Variants in TYR observed in about 807,000 individuals in gnomAD.
TYR encodes the protein tyrosinase.
A neutral mutation model predicts 51.5 loss-of-function variants in TYR; 58 were observed. The ratio of observed to expected loss-of-function variants is 1.13; its 90% CI spans 0.91 to 1.40. The LOEUF (loss-of-function observed/expected upper bound fraction) is 1.40, where lower values mean the gene tolerates loss of function less well. TYR is among the 40% of genes most tolerant of loss of function. The probability of loss-of-function intolerance (pLI) is 0.00; values close to 1 mark genes in which losing one functional copy is unlikely to be tolerated. For synonymous variants in TYR, 263 were observed against 235.2 expected, an observed-to-expected ratio of 1.12 and a Z score of -1.08; for missense variants, 732 against 647.4, an observed-to-expected ratio of 1.13 and a Z score of -1.42.
intron 3 of TYR, among the ~76,000 whole-genome samples, chr11:89,259,661 C>G (rs999659634): frequency 1.3e-5 from 2 of 152,086 alleles, no homozygotes; most frequent in African/African-American, 4.8e-5. Flanking sequence ...CCTGGATCCC[C>G]TTTCAGAGGC....
At chr11:89,261,294 A>AT (rs1255948790) in intron 3 of TYR, among the ~76,000 whole-genome samples, 1 of 152,100 alleles carries the variant, frequency 6.6e-6, no homozygotes, top group Non-Finnish European at 1.5e-5. Context: ...GGCTAACTGG[A>AT]TTTTTTAAAA....
chr11:89,192,603 T>C (rs1402824280), intron 2 of TYR, among the ~76,000 whole-genome samples: 2 of 152,148 alleles, frequency 1.3e-5, no homozygotes, highest in Non-Finnish European at 2.9e-5. Context: ...TTCAAAACCA[T>C]AATCTCAGGG....
Position 89,253,292 on chromosome 11 carries a change from A to G in TYR, c.1184+25322A>G, listed in dbSNP as rs116679220. On this transcript the variant is annotated intron_variant, in intron 3 of 4. Transcript: ENST00000263321. Reference sequence around the variant, plus strand: ...AACTGCTTGAAGAGTTGTTTTTCAAATATCTGTTTTTATTGAGGTATTTAT... The same window carrying G: ...AACTGCTTGAAGAGTTGTTTTTCAAGTATCTGTTTTTATTGAGGTATTTAT... Among the ~76,000 whole-genome samples the G allele has an allele frequency of 6.0e-3, 908 of 151,840 alleles. 4 individuals carry two copies. The highest frequency in any genetic ancestry group is 0.021 in the African/African-American group (876 of 41,518).
At chr11:89,198,417 G>C (rs753764575) in intron 2 of TYR, among the ~76,000 whole-genome samples, 1 of 152,012 alleles carries the variant, frequency 6.6e-6, no homozygotes, top group Non-Finnish European at 1.5e-5. Context: ...CCCTGACTCC[G>C]AGAGAGGCAG....
intron 2 of TYR, among the ~76,000 whole-genome samples, chr11:89,218,511 C>A (rs541770179): frequency 1.4e-4 from 22 of 152,120 alleles, no homozygotes; most frequent in Non-Finnish European, 2.8e-4. Flanking sequence ...TATGGATGAT[C>A]TGATATCACC....
chr11:89,237,422 C>T (rs907232018), intron 3 of TYR, among the ~76,000 whole-genome samples: 1 of 152,062 alleles, frequency 6.6e-6, no homozygotes, highest in Non-Finnish European at 1.5e-5. Flanking sequence ...CTGAATGTGA[C>T]TATCCAGTGG....
chr11:89,225,993 A>G (rs1484906331), intron 2 of TYR, among the ~76,000 whole-genome samples: 1 of 152,050 alleles, frequency 6.6e-6, no homozygotes, highest in African/African-American at 2.4e-5. Flanking sequence ...TTACATACCA[A>G]TGAAAAATAT....
chr11:89,218,118 T>C (rs556680286), intron 2 of TYR, among the ~76,000 whole-genome samples: 26 of 152,142 alleles, frequency 1.7e-4, no homozygotes, highest in Non-Finnish European at 1.9e-4. Flanking sequence ...CAGGAGACTA[T>C]TGAGAGAGGC....
chr11:89,229,411 G>C lies in TYR; in HGVS notation c.1184+1441G>C, dbSNP rs7941532. On this transcript the variant is annotated intron_variant, in intron 3 of 4. Transcript: ENST00000263321. ...AAAGATAAATTGAACGCTTTTTAAA[G>C]AATCATTTTTATATCACTTTTTGGT... Among the ~76,000 whole-genome samples the C allele has an allele frequency of 1.5e-3, 230 of 151,902 alleles. 3 individuals are homozygous for C. The highest frequency in any genetic ancestry group is 5.2e-3 in the African/African-American group (217 of 41,412).
chr11:89,204,974 A>G (rs893676976), intron 2 of TYR, among the ~76,000 whole-genome samples: 4 of 152,198 alleles, frequency 2.6e-5, no homozygotes, highest in African/African-American at 7.2e-5. Context: ...AAGTTAATAG[A>G]TTTAAAACAC....
At chr11:89,220,900 T>C (rs1226934700) in intron 2 of TYR, among the ~76,000 whole-genome samples, 6 of 152,212 alleles carry the variant, frequency 3.9e-5, no homozygotes, top group African/African-American at 1.4e-4. Context: ...ATCTTTGTTG[T>C]AGAGAGGCAA....
chr11:89,235,167 A>T (rs989060332), intron 3 of TYR, among the ~76,000 whole-genome samples: 2 of 152,204 alleles, frequency 1.3e-5, no homozygotes, highest in African/African-American at 2.4e-5. Context: ...CTCTTATCAA[A>T]AAGATAAAAG....
intron 3 of TYR, among the ~76,000 whole-genome samples, chr11:89,253,644 A>G (rs1944355783): frequency 1.3e-5 from 2 of 151,844 alleles, no homozygotes; most frequent in African/African-American, 4.8e-5. Context: ...GTTGGTGTAT[A>G]GCAGAGCTAC....
chr11:89,284,668 C>T, intron 3 of TYR, 105 bp from the exon 4 acceptor site: 1 of 1,000,792 alleles, frequency 1.0e-6, no homozygotes, highest in South Asian at 1.4e-5. Flanking sequence ...AACATCTTTC[C>T]ATGTCTCCAG....
intron 4 of TYR, among the ~76,000 whole-genome samples, chr11:89,291,395 T>G (rs1205045305): frequency 6.6e-6 from 1 of 152,022 alleles, no homozygotes; most frequent in Admixed American, 6.5e-5. Flanking sequence ...TGATTATGGA[T>G]TTCCTAAATA....
At chr11:89,231,282 T>A (rs1254950893) in intron 3 of TYR, among the ~76,000 whole-genome samples, 1 of 151,368 alleles carries the variant, frequency 6.6e-6, no homozygotes, top group Non-Finnish European at 1.5e-5. Flanking sequence ...AAAATAAAAC[T>A]ATCATATGAT....
At chr11:89,261,410 G>A (rs891840813) in intron 3 of TYR, among the ~76,000 whole-genome samples, 1 of 151,972 alleles carries the variant, frequency 6.6e-6, no homozygotes, top group Non-Finnish European at 1.5e-5. Context: ...AGCTTGAATA[G>A]GTATACTAAT....
At chr11:89,293,380 T>C (rs1366084973) in intron 4 of TYR, among the ~76,000 whole-genome samples, 17 of 151,104 alleles carry the variant, frequency 1.1e-4, no homozygotes, top group Admixed American at 1.1e-3. Context: ...CAACCCAGAA[T>C]GGTCCTTAGG....
At position 89,207,458 on chromosome 11, in the gene TYR, G is replaced by T. The variant is rs113483010; in HGVS notation, c.1036+16040G>T. On this transcript the variant is annotated intron_variant, in intron 2 of 4. Coordinates refer to ENST00000263321, the MANE Select transcript of TYR (RefSeq NM_000372.5). Reference sequence around the variant, plus strand: ...CTTGAATAGCCCTATAAATGTAAAGGAAATTGAATTGGTAATTTTAAAACT... The same window carrying T: ...CTTGAATAGCCCTATAAATGTAAAGTAAATTGAATTGGTAATTTTAAAACT... Among the ~76,000 whole-genome samples the T allele has an allele frequency of 8.8e-3, 1,340 of 152,170 alleles. 15 individuals are homozygous for T. Among genetic ancestry groups the T allele is most frequent in the African/African-American group, 0.031 (1,290 of 41,540 alleles).
Sources: allele counts gnomAD v4.1 joint callset (sites outside exome capture counted in the v4.1 genomes callset), GRCh38; gene constraint gnomAD v4.1.1; transcripts MANE v1.5; gene names NCBI Gene and HGNC (gene_info 2026-07-23, HGNC 2026-07-21).